Variants in FAM193A observed in about 807,000 individuals in gnomAD.
FAM193A encodes the protein protein FAM193A.
Under a neutral mutation model 126.5 loss-of-function variants are expected in FAM193A, and 22 were observed. The ratio of observed to expected loss-of-function variants is 0.17; its 90% confidence interval spans 0.12 to 0.25. The LOEUF is 0.25. Among genes scored for constraint, FAM193A ranks in the 10% least tolerant of loss-of-function variants. FAM193A has a pLI of 1.00. For synonymous variants in FAM193A, 761 were observed against 646.8 expected (o/e 1.18, Z -2.68); for missense variants, 1,675 against 1,672.8 (o/e 1.00, Z -0.02).
intron 13 of FAM193A, among the ~76,000 whole-genome samples, chr4:2,687,274 T>C (rs1307397288): frequency 6.6e-6 from 1 of 152,198 alleles, no homozygotes; most frequent in Non-Finnish European, 1.5e-5. Flanking sequence ...TATATAGTAG[T>C]CTCTAAGACT....
At chr4:2,589,607 A>G (rs938424491) in intron 1 of FAM193A, among the ~76,000 whole-genome samples, 10 of 152,208 alleles carry the variant, frequency 6.6e-5, no homozygotes, top group African/African-American at 2.4e-4. Flanking sequence ...TTAAATACTT[A>G]AGGTAATTTT....
intron 2 of FAM193A, among the ~76,000 whole-genome samples, chr4:2,616,619 G>T (rs1029593632): frequency 4.0e-5 from 6 of 151,376 alleles, no homozygotes; most frequent in African/African-American, 1.5e-4. Flanking sequence ...GTGCAGTGGC[G>T]AGTGATCTCT....
chr4:2,679,992 C>T (rs1365516498), intron 13 of FAM193A, among the ~76,000 whole-genome samples: 1 of 152,130 alleles, frequency 6.6e-6, no homozygotes, highest in Admixed American at 6.5e-5. Context: ...TCCAAAGTAA[C>T]TGGAACTACA....
chr4:2,607,734 C>G, intron 2 of FAM193A: 2 of 392,738 alleles, frequency 5.1e-6, no homozygotes, highest in South Asian at 8.3e-5. Flanking sequence ...CTCGCTGCGG[C>G]TCTAGGCTAT....
At chr4:2,612,078 C>T (rs896516898) in intron 2 of FAM193A, among the ~76,000 whole-genome samples, 17 of 151,836 alleles carry the variant, frequency 1.1e-4, no homozygotes, top group East Asian at 2.0e-4. Context: ...CCTCGTGTTC[C>T]GTCTGTCTCG....
At position 2,652,914 on chromosome 4, in the gene FAM193A, G is replaced by T. The variant is rs541563036; in HGVS notation, c.1312-4889G>T. 6.6e-5 allele frequency among the ~76,000 whole-genome samples: 10 copies of T among 152,356 alleles called. No individual in the cohort carries two copies. In the East Asian group the frequency reaches 1.5e-3, roughly 23 times the overall value. On this transcript the variant is annotated intron_variant, in intron 7 of 20. Coordinates refer to ENST00000637812, the MANE Select transcript of FAM193A (RefSeq NM_001366318.2). ...CGAGTGCTGTGCCAAACCCCGTGTG[G>T]CTAGAGCCTCACTACTGCTTCCTGG...
intron 7 of FAM193A, among the ~76,000 whole-genome samples, chr4:2,647,671 C>G (rs142904613): frequency 0.011 from 1,637 of 152,298 alleles, 13 homozygotes; most frequent in Middle Eastern, 0.021. Context: ...TTTGAGACGG[C>G]GCCCCCTCCC....
At chr4:2,641,436 A>G (rs955503711) in intron 6 of FAM193A, among the ~76,000 whole-genome samples, 1 of 151,624 alleles carries the variant, frequency 6.6e-6, no homozygotes, top group Admixed American at 6.6e-5. Flanking sequence ...AGGCGGGCAG[A>G]TCACGAGGTC....
chr4:2,664,758 T>G (rs1196021405), intron 12 of FAM193A, among the ~76,000 whole-genome samples: 1 of 151,676 alleles, frequency 6.6e-6, no homozygotes, highest in Non-Finnish European at 1.5e-5. Flanking sequence ...AGAGACGGGG[T>G]TTCACTATAT....
At chr4:2,680,762 C>G (rs1715013235) in intron 13 of FAM193A, among the ~76,000 whole-genome samples, 1 of 152,150 alleles carries the variant, frequency 6.6e-6, no homozygotes, top group Non-Finnish European at 1.5e-5. Flanking sequence ...CTGCCTCAGC[C>G]TCCCATATAG....
intron 6 of FAM193A, among the ~76,000 whole-genome samples, chr4:2,641,527 T>C (rs1427872155): frequency 6.6e-6 from 1 of 152,034 alleles, no homozygotes; most frequent in African/African-American, 2.4e-5. Flanking sequence ...TAGTGGCGCA[T>C]GCCTGTAGTC....
chr4:2,631,783 C>T (rs962626890), intron 5 of FAM193A, among the ~76,000 whole-genome samples: 2 of 152,228 alleles, frequency 1.3e-5, no homozygotes, highest in African/African-American at 4.8e-5. Context: ...AGAGGAATCA[C>T]TACATTGGGT....
chr4:2,613,266 G>A lies in FAM193A; in HGVS notation c.502-11996G>A, dbSNP rs374663864. The stretch of plus-strand genomic sequence containing the variant: ...AGTTTGGGCAACATAGTGAGATCCT[G>A]GTTTTACAAAAAATAAATACATTTT... On this transcript the variant is annotated intron_variant, in intron 2 of 20. Coordinates refer to ENST00000637812, the MANE Select transcript of FAM193A (RefSeq NM_001366318.2). Among the ~76,000 whole-genome samples, 3 of 151,374 alleles carry A rather than the reference G, an allele frequency of 2.0e-5. No individual in the cohort carries two copies. The East Asian group carries it at 5.8e-4, about 29-fold the overall frequency.
In FAM193A at chr4:2,660,030, C is replaced by G; in HGVS notation, c.1721C>G (p.Thr574Arg). ...CAGCAGCACCCCAGGCTCATCCTCA[C>G]AGACAGTGGCTCGGCACCAACTTTG... ...TIQQHPRLIL[T>R]DSGSAPTFCS... Residue 574 changes from threonine (T) to arginine (R), a missense_variant, in exon 10 of 21, where the codon ACA becomes AGA. Transcript: ENST00000637812. 1 of 1,614,070 alleles carries G rather than the reference C, an allele frequency of 6.2e-7. No individual in the cohort carries two copies. The highest frequency in any genetic ancestry group is 8.5e-7 in the Non-Finnish European group (1 of 1,179,926).
intron 2 of FAM193A, among the ~76,000 whole-genome samples, chr4:2,603,146 A>G (rs542607357): frequency 6.8e-5 from 10 of 146,548 alleles, no homozygotes; most frequent in South Asian, 2.1e-4. Flanking sequence ...TTTTGTGTGT[A>G]TATATATATG....
intron 1 of FAM193A, among the ~76,000 whole-genome samples, chr4:2,553,640 A>G (rs945981421): frequency 3.3e-5 from 5 of 151,872 alleles, no homozygotes; most frequent in Non-Finnish European, 1.5e-5. Flanking sequence ...TGGCCTTCCA[A>G]AGTGCTGGGA....
At chr4:2,613,128 T>G (rs1365789938) in intron 2 of FAM193A, among the ~76,000 whole-genome samples, 1 of 152,086 alleles carries the variant, frequency 6.6e-6, no homozygotes, top group Non-Finnish European at 1.5e-5. Flanking sequence ...ATTAAAAACT[T>G]TAGTAGTCAG....
Position 2,696,518 on chromosome 4 carries a change from G to A in FAM193A, c.3432G>A (p.Gln1144=). 1 of 1,614,248 alleles carries A rather than the reference G, an allele frequency of 6.2e-7. No individual in the cohort carries two copies. The highest frequency in any genetic ancestry group is 1.1e-5 in the South Asian group (1 of 91,082). The change falls in exon 18 of 21, where the codon CAG becomes CAA. Residue 1144 remains glutamine (Q), a synonymous_variant. Transcript: ENST00000637812. ...VDHRRVEDLL[Q]FINSSETKPV... ...ATCGGAGGGTGGAGGATTTGTTGCAGTTTATAAATAGCTCCGAAACCAAAC... is the reference window on the plus strand; with the variant it reads ...ATCGGAGGGTGGAGGATTTGTTGCAATTTATAAATAGCTCCGAAACCAAAC...
chr4:2,629,080 G>A (rs1439969934), intron 4 of FAM193A, among the ~76,000 whole-genome samples: 4 of 151,700 alleles, frequency 2.6e-5, no homozygotes, highest in African/African-American at 7.2e-5. Flanking sequence ...TCTCAATCTC[G>A]CCTCCCAAAG....
Sources: gnomAD v4.1 joint callset for allele counts (sites outside exome capture counted in the v4.1 genomes callset) on GRCh38, gnomAD v4.1.1 for gene constraint, MANE v1.5 for transcripts, NCBI Gene and HGNC (gene_info 2026-07-23, HGNC 2026-07-21) for gene names.